PTPRN2: variants seen among roughly 807,000 people sequenced by gnomAD.
PTPRN2 encodes protein tyrosine phosphatase receptor type N2, also known as receptor-type tyrosine-protein phosphatase N2.
A neutral mutation model predicts 118.8 loss-of-function variants in PTPRN2; 74 were observed. The ratio of observed to expected loss-of-function variants is 0.62; its 90% CI spans 0.52 to 0.76. PTPRN2 has a LOEUF of 0.76. PTPRN2 is among the 30% of genes least tolerant of loss of function. PTPRN2 has a pLI of 0.00. For synonymous variants in PTPRN2, 641 were observed against 608.0 expected, an observed-to-expected ratio of 1.05 and a Z score of -0.80; for missense variants, 1,481 against 1,394.4, an observed-to-expected ratio of 1.06 and a Z score of -0.99.
chr7:158,241,949 G>A (rs1795926535), intron 3 of PTPRN2, among the ~76,000 whole-genome samples: 1 of 152,198 alleles, frequency 6.6e-6, no homozygotes, highest in African/African-American at 2.4e-5. Flanking sequence ...CATATTTCTA[G>A]ACAGCACAGT....
intron 11 of PTPRN2, among the ~76,000 whole-genome samples, chr7:157,946,220 G>C (rs1391927935): frequency 6.6e-6 from 1 of 152,070 alleles, no homozygotes; most frequent in African/African-American, 2.4e-5. Context: ...GCAACTGTCT[G>C]AAGCCTCTTC....
rs1375649269 is a variant in PTPRN2, at chr7:157,977,375, CA to C, written c.1724-78639del. Among the ~76,000 whole-genome samples, 1 of 151,752 alleles carries C rather than the reference CA, an allele frequency of 6.6e-6. No individual in the cohort carries two copies. The highest frequency in any genetic ancestry group is 1.9e-4 in the East Asian group (1 of 5,162). On this transcript the variant is annotated intron_variant, in intron 11 of 22. Transcript: ENST00000389418. This position sits in a 1 kb window ranked among gnomAD's most constrained non-coding sequence, Gnocchi z 4.6. The stretch of plus-strand genomic sequence containing the variant: ...GAGGGGTTAATGTGCTCTGGAGTGA[CA>C]GGGGTGGGAGGGGTTTATCAGAGAT...
At chr7:157,789,883 AGGTATGTGTGT>A (rs759050237) in intron 12 of PTPRN2, among the ~76,000 whole-genome samples, 102 of 139,084 alleles carry the variant, frequency 7.3e-4, no homozygotes, top group South Asian at 1.8e-3. Context: ...GTATGTGTGC[AGGTATGTGTGT>A]GGTATGTGTG....
intron 3 of PTPRN2, among the ~76,000 whole-genome samples, chr7:158,250,002 G>C (rs1202961931): frequency 6.6e-6 from 1 of 152,116 alleles, no homozygotes; most frequent in Non-Finnish European, 1.5e-5. Flanking sequence ...TGGACACTCA[G>C]TGGATGCACA....
chr7:158,186,220 G>T (rs1357565091), intron 5 of PTPRN2, among the ~76,000 whole-genome samples: 1 of 152,208 alleles, frequency 6.6e-6, no homozygotes, highest in Non-Finnish European at 1.5e-5. Context: ...CATGAAAGAA[G>T]CTGTGGTCTC....
chr7:157,589,464 C>T (rs1800863705), intron 17 of PTPRN2, among the ~76,000 whole-genome samples: 1 of 152,182 alleles, frequency 6.6e-6, no homozygotes, highest in South Asian at 2.1e-4. Context: ...GAAAGGCTTT[C>T]TAGAGAAAGG....
intron 11 of PTPRN2, among the ~76,000 whole-genome samples, chr7:157,913,193 C>T (rs1033341406): frequency 6.6e-6 from 1 of 152,092 alleles, no homozygotes; most frequent in African/African-American, 2.4e-5. Flanking sequence ...AAATGAGTAT[C>T]ATTTTTAAAC....
chr7:158,138,473 G>A lies in PTPRN2; in HGVS notation c.953C>T (p.Pro318Leu), dbSNP rs143944402. ...GCCACTCAGGCCCCTCACCTCAGCC[G>A]GCTGCCTCTGCAGGTCCTTCAGGAG... ...HTLLKDLQRQ[P>L]AEVRGLSGLE... Residue 318 changes from proline to leucine, a missense_variant, in exon 7 of 23, where the codon CCG becomes CTG. Transcript: ENST00000389418. 55 of 1,612,916 alleles carry A rather than the reference G, an allele frequency of 3.4e-5. No individual in the cohort carries two copies. In the Admixed American group the frequency reaches 3.7e-4, roughly 11 times the overall value.
intron 22 of PTPRN2, among the ~76,000 whole-genome samples, chr7:157,543,152 T>C (rs1798094374): frequency 6.6e-6 from 1 of 152,214 alleles, no homozygotes; most frequent in Non-Finnish European, 1.5e-5. Flanking sequence ...GATGACCAGA[T>C]GACCATCTTA....
chr7:157,879,542 C>T (rs1047616182), intron 12 of PTPRN2, among the ~76,000 whole-genome samples: 2 of 152,178 alleles, frequency 1.3e-5, no homozygotes, highest in African/African-American at 4.8e-5. Context: ...AAAACACAGA[C>T]AATTTTAACC....
At chr7:158,184,411 G>A (rs141267863) in intron 5 of PTPRN2, among the ~76,000 whole-genome samples, 1 of 152,112 alleles carries the variant, frequency 6.6e-6, no homozygotes, top group Admixed American at 6.5e-5. Flanking sequence ...CTAGTATACA[G>A]AAATAAATTA....
intron 3 of PTPRN2, among the ~76,000 whole-genome samples, chr7:158,280,188 C>T (rs1328575960): frequency 6.6e-6 from 1 of 152,218 alleles, no homozygotes; most frequent in Admixed American, 6.5e-5. Context: ...TCTGGAACAC[C>T]AAATCCTAAA....
chr7:157,885,077 AAG>A (rs1796374949), intron 12 of PTPRN2, among the ~76,000 whole-genome samples: 1 of 152,144 alleles, frequency 6.6e-6, no homozygotes, highest in Non-Finnish European at 1.5e-5. Flanking sequence ...AGGAACTCAG[AAG>A]AACAGAGACA....
At chr7:157,608,130 C>A (rs1251898797) in intron 15 of PTPRN2, among the ~76,000 whole-genome samples, 1 of 152,188 alleles carries the variant, frequency 6.6e-6, no homozygotes, top group East Asian at 1.9e-4. Flanking sequence ...TGCAGTGGCA[C>A]AATATTGGAT....
rs929788929 is a variant in PTPRN2 at position 157,622,491 on chromosome 7, C to T, written c.2197-982G>A. ...TGGTCCCTCCCTGCCCACTGGGGCC[C>T]GTTCCAGGAGACAGGTAGAGAAAGA... On this transcript the variant is annotated intron_variant, in intron 14 of 22. Transcript: ENST00000389418. This position sits in a 1 kb window ranked among gnomAD's most constrained non-coding sequence, Gnocchi z 5.3. Among the ~76,000 whole-genome samples the T allele has an allele frequency of 4.6e-5, 7 of 152,086 alleles. No homozygotes were observed. Among genetic ancestry groups the T allele is most frequent in the African/African-American group, 1.2e-4 (5 of 41,410 alleles).
At chr7:157,968,619 C>A (rs939768111) in intron 11 of PTPRN2, among the ~76,000 whole-genome samples, 2 of 152,172 alleles carry the variant, frequency 1.3e-5, no homozygotes, top group African/African-American at 4.8e-5. Flanking sequence ...CTCCTCAGAC[C>A]TGAAACACTG....
intron 12 of PTPRN2, among the ~76,000 whole-genome samples, chr7:157,756,831 C>G (rs1280541452): frequency 6.6e-6 from 1 of 150,740 alleles, no homozygotes; most frequent in Non-Finnish European, 1.5e-5. Context: ...AGACGAGAAA[C>G]TGCTCAGGGG....
At chr7:157,614,086 G>C (rs1250983580) in intron 15 of PTPRN2, 1 of 471,506 alleles carries the variant, frequency 2.1e-6, no homozygotes, top group Admixed American at 2.3e-5. Flanking sequence ...TCAGAACACA[G>C]GGAACCATGA....
intron 2 of PTPRN2, among the ~76,000 whole-genome samples, chr7:158,448,216 A>G (rs1432855877): frequency 6.6e-6 from 1 of 152,262 alleles, no homozygotes; most frequent in Non-Finnish European, 1.5e-5. Context: ...TGGGTGTCTG[A>G]GAATCATCCT....
Sources: gnomAD v4.1 joint callset for allele counts (sites outside exome capture counted in the v4.1 genomes callset) on GRCh38, gnomAD v4.1.1 for gene constraint, Gnocchi (gnomAD v3.1) non-coding constraint, MANE v1.5 for transcripts, NCBI Gene and HGNC (gene_info 2026-07-23, HGNC 2026-07-21) for gene names.